MON2: variants seen among roughly 807,000 people sequenced by gnomAD.
MON2 encodes the protein protein MON2 homolog.
A neutral mutation model predicts 208.6 loss-of-function variants in MON2; 84 were observed. That is an observed-to-expected ratio of 0.40 (90% CI 0.34 to 0.48). MON2 has a LOEUF of 0.48. Among genes scored for constraint, MON2 ranks in the 20% least tolerant of loss-of-function variants. The pLI is 0.59. For synonymous variants in MON2, 660 were observed against 694.0 expected (o/e 0.95, Z 0.77); for missense variants, 1,611 against 2,015.4 (o/e 0.80, Z 3.84).
intron 2 of MON2, 116 bp downstream of exon 2, chr12:62,484,349 A>G (rs2069631559): frequency 3.1e-6 from 2 of 652,132 alleles, no homozygotes; most frequent in Admixed American, 2.8e-5. Flanking sequence ...ATGCCCTAAC[A>G]TATGCTATTC....
chr12:62,486,663 CTATA>C (rs2136015425), intron 2 of MON2, among the ~76,000 whole-genome samples: 1 of 152,048 alleles, frequency 6.6e-6, no homozygotes, highest in Non-Finnish European at 1.5e-5. Context: ...AGTTTCTAAA[CTATA>C]TAATTAAGAG....
rs770330819 is a variant in MON2, at chr12:62,532,504, C to T, written c.1467C>T (p.Phe489=). Residue 489 remains phenylalanine, a synonymous_variant, in exon 12 of 35, where the codon TTC becomes TTT. Coordinates refer to ENST00000393630, the MANE Select transcript of MON2 (RefSeq NM_015026.3). ...AAGGTTACGCCATGTCTGTGGCATT[C>T]CATTGTTTGCTAGACCTTGTTCGTG... The part of the protein sequence containing the change: ...IPEGYAMSVA[F]HCLLDLVRGI... 6.2e-6 allele frequency: 10 copies of T among 1,614,068 alleles called. No homozygotes were observed. Among genetic ancestry groups the T allele is most frequent in the South Asian group, 2.2e-5 (2 of 91,078 alleles).
rs1592431308 is a variant in MON2 at position 62,571,255 on chromosome 12, A to T, written c.4324-137A>T. ...AGAATTGGCCTTTCTGCGAAATAAC[A>T]TCCTTTTTAAATGAAAATACCATCC... On this transcript the variant is annotated intron_variant, in intron 29 of 34. Transcript: ENST00000393630. 7 of 663,014 alleles carry T rather than the reference A, an allele frequency of 1.1e-5. No homozygotes were observed. In the Middle Eastern group the frequency reaches 1.7e-3, roughly 162 times the overall value. 41.1% of individuals were successfully genotyped at this position (663,014 alleles called of 1,614,324 possible).
At chr12:62,580,728 T>G (rs2074975524) in intron 32 of MON2, among the ~76,000 whole-genome samples, 1 of 152,170 alleles carries the variant, frequency 6.6e-6, no homozygotes, top group African/African-American at 2.4e-5. Flanking sequence ...TGCAAAGCAC[T>G]TTATGGAATC....
chr12:62,523,049 A>G (rs1241187880), intron 8 of MON2, among the ~76,000 whole-genome samples: 1 of 152,170 alleles, frequency 6.6e-6, no homozygotes, highest in Non-Finnish European at 1.5e-5. Flanking sequence ...TTAGCTGATG[A>G]ACCTTAAATT....
In MON2 at chr12:62,560,682, C is replaced by A; in HGVS notation, c.3601C>A (p.Pro1201Thr). Residue 1201 changes from proline (P) to threonine (T), a missense_variant, in exon 26 of 35, where the codon CCC becomes ACC. Physicochemically the swap from Pro to Thr is conservative, Grantham distance 38. Transcript: ENST00000393630. ...VNVPVPVLIG[P>T]ISGMSRPFVR... ...TGTACCTGTGCCTGTTCTTATAGGG[C>A]CCATATCAGGCATGAGCAGGCCATT... is the stretch of plus-strand genomic sequence containing the variant. 6.2e-7 allele frequency: 1 copy of A among 1,613,830 alleles called. No homozygotes were observed. Among genetic ancestry groups the A allele is most frequent in the Non-Finnish European group, 8.5e-7 (1 of 1,179,884 alleles).
rs1393911024 is a variant in MON2, at chr12:62,534,537, AAAAAAATATATAT to A, written c.1634-306_1634-294del. 1.3e-4 allele frequency among the ~76,000 whole-genome samples: 4 copies of A among 30,732 alleles called. 1 individual carries two copies. The highest frequency in any genetic ancestry group is 0.016 in the Middle Eastern group (1 of 62). 20.2% of individuals were successfully genotyped at this position (30,732 alleles called of 152,430 possible). On this transcript the variant is annotated intron_variant, in intron 12 of 34. Coordinates refer to ENST00000393630, the MANE Select transcript of MON2 (RefSeq NM_015026.3). ...CCATCGCAAAAAAAAAAAAAAAAAA[AAAAAAATATATAT>A]ATATATATATATATATATTTTATAT...
At chr12:62,526,588 A>T (rs1305827291) in intron 11 of MON2, among the ~76,000 whole-genome samples, 1 of 152,074 alleles carries the variant, frequency 6.6e-6, no homozygotes, top group Non-Finnish European at 1.5e-5. Context: ...ACACATGAAA[A>T]TTTTAGTTTT....
chr12:62,580,160 A>T, intron 31 of MON2, 137 bp from the exon 32 acceptor site: 1 of 799,054 alleles, frequency 1.3e-6, no homozygotes, highest in Non-Finnish European at 2.0e-6. Flanking sequence ...TGTTAACATT[A>T]AAATGTTTGT....
intron 6 of MON2, 21 bp downstream of exon 6, chr12:62,500,901 A>T: frequency 7.4e-7 from 1 of 1,348,878 alleles, no homozygotes; most frequent in Non-Finnish European, 1.0e-6. Context: ...TGATAAAAGT[A>T]ATTTTTATTC....
rs1447908371 is a variant in MON2 at position 62,493,903 on chromosome 12, T to C, written c.176-12T>C. ...ATTTTAATAATTTACTTTATATGTG[T>C]TCTAAATGAAGCACTGAAAGAGAAC... On this transcript the variant is annotated splice_polypyrimidine_tract_variant and intron_variant, in intron 2 of 34. Transcript: ENST00000393630. 6.5e-7 allele frequency: 1 copy of C among 1,531,334 alleles called. No individual in the cohort carries two copies. The highest frequency in any genetic ancestry group is 8.8e-7 in the Non-Finnish European group (1 of 1,132,540). The allele number at this position is 1,531,334 out of a possible 1,614,324, so 94.9% of individuals were successfully genotyped here.
At chr12:62,570,923 G>A (rs1181849625) in intron 29 of MON2, among the ~76,000 whole-genome samples, 1 of 151,390 alleles carries the variant, frequency 6.6e-6, no homozygotes, top group African/African-American at 2.4e-5. Flanking sequence ...GTAGAGATGA[G>A]GTTTCACCAT....
intron 22 of MON2, 44 bp from the exon 23 acceptor site, chr12:62,549,624 A>G: frequency 6.6e-7 from 1 of 1,512,348 alleles, no homozygotes; most frequent in Non-Finnish European, 8.9e-7. Flanking sequence ...AAATAAATAA[A>G]TAAATAAAAT....
At chr12:62,565,701 C>T (rs2074354887) in intron 27 of MON2, among the ~76,000 whole-genome samples, 1 of 152,134 alleles carries the variant, frequency 6.6e-6, no homozygotes, top group African/African-American at 2.4e-5. Flanking sequence ...CATCCCAATA[C>T]AAAACAGCTT....
chr12:62,543,690 C>T (rs1174887544), intron 20 of MON2, among the ~76,000 whole-genome samples: 7 of 152,082 alleles, frequency 4.6e-5, no homozygotes, highest in South Asian at 2.1e-4. Context: ...TCACTGCAAC[C>T]GCCGCCTCTC....
At chr12:62,507,951 T>G (rs1036831352) in intron 7 of MON2, among the ~76,000 whole-genome samples, 10 of 152,092 alleles carry the variant, frequency 6.6e-5, no homozygotes, top group African/African-American at 2.2e-4. Flanking sequence ...TAATTTTTTT[T>G]GTAGAGATGG....
intron 19 of MON2, among the ~76,000 whole-genome samples, chr12:62,539,421 G>A (rs566052707): frequency 6.6e-6 from 1 of 151,682 alleles, no homozygotes; most frequent in Non-Finnish European, 1.5e-5. Context: ...CCGCCACCAC[G>A]CCCGGCTAAT....
chr12:62,589,046 C>T (rs966487373), intron 34 of MON2: 1 of 507,678 alleles, frequency 2.0e-6, no homozygotes, highest in Non-Finnish European at 3.3e-6. Flanking sequence ...TTTTGAGGGG[C>T]TTTTCAGACC....
intron 30 of MON2, among the ~76,000 whole-genome samples, chr12:62,572,530 C>T (rs956350499): frequency 2.6e-4 from 40 of 152,198 alleles, no homozygotes; most frequent in Non-Finnish European, 4.1e-4. Flanking sequence ...ACTGCAGCCT[C>T]GACCTCCCAG....
Sources: allele counts gnomAD v4.1 joint callset (sites outside exome capture counted in the v4.1 genomes callset), GRCh38; gene constraint gnomAD v4.1.1; transcripts MANE v1.5; gene names NCBI Gene and HGNC (gene_info 2026-07-23, HGNC 2026-07-21).